The following NDUFV2 variants were observed in gnomAD, a reference collection of about 807,000 sequenced individuals.
NDUFV2 encodes the protein NADH dehydrogenase [ubiquinone] flavoprotein 2, mitochondrial.
NDUFV2 carries 18 observed loss-of-function variants against 31.6 expected under a neutral mutation model. The observed-to-expected ratio is 0.57, with a 90% confidence interval of 0.39 to 0.84. The LOEUF (loss-of-function observed/expected upper bound fraction) is 0.84. Among genes scored for constraint, NDUFV2 ranks in the 40% least tolerant of loss-of-function variants. NDUFV2 has a pLI of 0.00. For missense variants in NDUFV2, 314 were observed against 303.6 expected, an observed-to-expected ratio of 1.03 and a Z score of -0.26; for synonymous variants, 83 against 99.8, an observed-to-expected ratio of 0.83 and a Z score of 1.01.
At chr18:9,111,137 C>T (rs2077867932) in intron 1 of NDUFV2, among the ~76,000 whole-genome samples, 1 of 152,106 alleles carries the variant, frequency 6.6e-6, no homozygotes, top group South Asian at 2.1e-4. Context: ...TGTCATCAAA[C>T]AGTCAGGTGG....
chr18:9,119,311 G>GC lies in NDUFV2; in HGVS notation c.121-15_121-14insC. On this transcript the variant is annotated splice_polypyrimidine_tract_variant and intron_variant, in intron 2 of 7. Transcript: ENST00000318388. ...AGAATTTGGATAAGTCTGAAAAACTGTTTTTGTTGTGTAGCACAGAGATAC... is the reference window on the plus strand; with the variant it reads ...AGAATTTGGATAAGTCTGAAAAACTGCTTTTTGTTGTGTAGCACAGAGATAC... The GC allele has an allele frequency of 6.2e-7, 1 of 1,607,012 alleles. No individual in the cohort carries two copies. Among genetic ancestry groups the GC allele is most frequent in the South Asian group, 1.1e-5 (1 of 90,890 alleles).
At chr18:9,103,061 ATGTT>A (rs776105807) in intron 1 of NDUFV2, 265 of 427,446 alleles carry the variant, frequency 6.2e-4, no homozygotes, top group Middle Eastern at 1.2e-3. Context: ...ATATATATAT[ATGTT>A]TGTTTGTTTT....
At chr18:9,130,317 A>G (rs547462240) in intron 7 of NDUFV2, among the ~76,000 whole-genome samples, 5 of 152,346 alleles carry the variant, frequency 3.3e-5, no homozygotes, top group South Asian at 4.1e-4. Flanking sequence ...AACATCTGAT[A>G]ATAATAGGGA....
intron 1 of NDUFV2, among the ~76,000 whole-genome samples, chr18:9,116,420 CAA>C (rs2077898312): frequency 6.6e-6 from 1 of 152,114 alleles, no homozygotes; most frequent in Non-Finnish European, 1.5e-5. Flanking sequence ...TGATGTTACT[CAA>C]AAATTGTTAC....
intron 6 of NDUFV2, among the ~76,000 whole-genome samples, chr18:9,125,953 G>A (rs2077986761): frequency 6.6e-6 from 1 of 152,120 alleles, no homozygotes. Flanking sequence ...AGCTTACATG[G>A]TCTCTTGTTA....
chr18:9,102,963 G>T (rs1471524201), intron 1 of NDUFV2, 166 bp downstream of exon 1: 9 of 625,698 alleles, frequency 1.4e-5, no homozygotes, highest in Non-Finnish European at 2.3e-5. Context: ...CAGCCCCACC[G>T]TGAGAAGCCC....
intron 5 of NDUFV2, among the ~76,000 whole-genome samples, 197 bp from the exon 6 acceptor site, chr18:9,124,677 T>C (rs1166090267): frequency 6.6e-6 from 1 of 151,352 alleles, no homozygotes; most frequent in Non-Finnish European, 1.5e-5. Context: ...CTAGATCTCC[T>C]GACCTCGTGA....
chr18:9,104,810 A>G, intron 1 of NDUFV2: 3 of 888,834 alleles, frequency 3.4e-6, no homozygotes, highest in Non-Finnish European at 4.6e-6. Flanking sequence ...AATTTTTATT[A>G]CACACGTCAT....
Position 9,121,470 on chromosome 18 carries a change from T to C in NDUFV2, c.301-1043T>C, listed in dbSNP as rs560511919. 2.0e-5 allele frequency: 3 copies of C among 152,316 alleles called. 1 individual carries two copies. The highest frequency in any genetic ancestry group is 7.2e-5 in the African/African-American group (3 of 41,578). The allele number at this position is 152,316 out of a possible 1,614,324, so 9.4% of individuals were successfully genotyped here. A position where few individuals can be genotyped will look rare whatever the true frequency, so the allele number is the denominator to read the frequency against. On this transcript the variant is annotated intron_variant, in intron 4 of 7. Coordinates refer to ENST00000318388, the MANE Select transcript of NDUFV2 (RefSeq NM_021074.5). The stretch of plus-strand genomic sequence containing the variant: ...CTTGATTCAGAACTGCCGAATGAAA[T>C]AGCACAATTACTTTATCTGTCACAA...
chr18:9,120,424 G>A (rs770220664), intron 4 of NDUFV2, among the ~76,000 whole-genome samples: 26 of 152,140 alleles, frequency 1.7e-4, no homozygotes, highest in Non-Finnish European at 2.6e-4. Context: ...ATTTCTGAGC[G>A]GTAGTGCTAG....
At chr18:9,115,465 G>T (rs1378423425) in intron 1 of NDUFV2, among the ~76,000 whole-genome samples, 1 of 152,024 alleles carries the variant, frequency 6.6e-6, no homozygotes, top group African/African-American at 2.4e-5. Flanking sequence ...TGTTTTTGCT[G>T]CAATAAACAT....
intron 4 of NDUFV2, among the ~76,000 whole-genome samples, chr18:9,120,749 C>T (rs1027874242): frequency 2.6e-5 from 4 of 151,792 alleles, no homozygotes; most frequent in African/African-American, 9.7e-5. Flanking sequence ...GTTATTTCTT[C>T]GATAAATTAT....
At chr18:9,130,938 A>T (rs1414347937) in intron 7 of NDUFV2, among the ~76,000 whole-genome samples, 1 of 152,246 alleles carries the variant, frequency 6.6e-6, no homozygotes, top group Non-Finnish European at 1.5e-5. Context: ...AAGATAATAC[A>T]GTTGACTCTT....
At chr18:9,130,946 C>G (rs1178589467) in intron 7 of NDUFV2, among the ~76,000 whole-genome samples, 2 of 152,210 alleles carry the variant, frequency 1.3e-5, no homozygotes, top group Admixed American at 1.3e-4. Flanking sequence ...ACAGTTGACT[C>G]TTGAACACCA....
intron 4 of NDUFV2, among the ~76,000 whole-genome samples, chr18:9,120,951 T>G (rs2077930814): frequency 6.6e-6 from 1 of 152,028 alleles, no homozygotes; most frequent in Non-Finnish European, 1.5e-5. Context: ...AAACTGAAAG[T>G]GAAAACATTT....
chr18:9,130,096 A>G (rs1472740582), intron 7 of NDUFV2, among the ~76,000 whole-genome samples: 2 of 152,212 alleles, frequency 1.3e-5, no homozygotes, highest in African/African-American at 4.8e-5. Flanking sequence ...TATGATGCTG[A>G]TAGGTAGATA....
intron 2 of NDUFV2, among the ~76,000 whole-genome samples, chr18:9,118,819 T>G (rs1176847404): frequency 4.8e-5 from 7 of 146,664 alleles, no homozygotes; most frequent in African/African-American, 1.8e-4. Flanking sequence ...GGTGCTGTTT[T>G]TTTTTTTTTT....
chr18:9,104,239 C>T (rs1431648950), intron 1 of NDUFV2: 1 of 1,612,466 alleles, frequency 6.2e-7, no homozygotes, highest in Admixed American at 1.7e-5. Flanking sequence ...AGGTGTGTTC[C>T]CAAATGAAAT....
intron 1 of NDUFV2, chr18:9,104,815 C>A: frequency 2.3e-6 from 2 of 884,494 alleles, no homozygotes; most frequent in Non-Finnish European, 1.5e-6. Context: ...TTATTACACA[C>A]GTCATACGTG....
Sources: gnomAD v4.1 joint callset for allele counts (sites outside exome capture counted in the v4.1 genomes callset) on GRCh38, gnomAD v4.1.1 for gene constraint, MANE v1.5 for transcripts, NCBI Gene and HGNC (gene_info 2026-07-23, HGNC 2026-07-21) for gene names.